Variants in ERBB4 observed in about 807,000 individuals in gnomAD.
ERBB4 encodes the protein erb-b2 receptor tyrosine kinase 4.
Under a neutral mutation model 158.0 loss-of-function variants are expected in ERBB4, and 42 were observed. The ratio of observed to expected loss-of-function variants is 0.27; its 90% confidence interval spans 0.21 to 0.34. The LOEUF is 0.34. Ranked by LOEUF, ERBB4 falls within the 10% of genes least tolerant of loss-of-function variation. ERBB4 has a pLI of 1.00. For synonymous variants in ERBB4, 583 were observed against 558.7 expected, an observed-to-expected ratio of 1.04 and a Z score of -0.61; for missense variants, 1,333 against 1,624.1, an observed-to-expected ratio of 0.82 and a Z score of 3.08.
chr2:212,302,566 A>G (rs1239665706), intron 1 of ERBB4, among the ~76,000 whole-genome samples: 1 of 151,462 alleles, frequency 6.6e-6, no homozygotes, highest in Admixed American at 6.6e-5. Flanking sequence ...CATTGGCAAA[A>G]TATGAGTTTC....
intron 1 of ERBB4, among the ~76,000 whole-genome samples, chr2:212,149,459 T>A (rs557401022): frequency 2.8e-4 from 43 of 152,314 alleles, no homozygotes; most frequent in African/African-American, 9.6e-4. Context: ...AAACAACTTA[T>A]GAAATCGGAT....
intron 22 of ERBB4, among the ~76,000 whole-genome samples, chr2:211,428,047 G>T (rs1197459873): frequency 6.6e-6 from 1 of 151,712 alleles, no homozygotes; most frequent in African/African-American, 2.4e-5. Flanking sequence ...ACACATCGGG[G>T]CCTGTCGGTG....
At chr2:212,468,551 TC>T (rs1688958729) in intron 1 of ERBB4, among the ~76,000 whole-genome samples, 1 of 152,154 alleles carries the variant, frequency 6.6e-6, no homozygotes, top group African/African-American at 2.4e-5. Context: ...TTGTGAGGCC[TC>T]CCCAGCCATG....
chr2:211,721,095 G>A (rs1266299395), intron 7 of ERBB4, among the ~76,000 whole-genome samples: 1 of 152,168 alleles, frequency 6.6e-6, no homozygotes, highest in Admixed American at 6.5e-5. Flanking sequence ...GAAAGGGGCT[G>A]AGAGTGTGTG....
intron 3 of ERBB4, among the ~76,000 whole-genome samples, chr2:211,889,065 C>T (rs939557076): frequency 7.1e-6 from 1 of 141,438 alleles, no homozygotes; most frequent in African/African-American, 2.9e-5. Context: ...AGAAGGCCTG[C>T]CTGCCTCTGT....
chr2:211,696,911 C>T lies in ERBB4; in HGVS notation c.1489+5056G>A, dbSNP rs201394989. The stretch of plus-strand genomic sequence containing the variant: ...TCTCAAACTCCTGACCTCAGGTGAT[C>T]TGCCCACCTCTGCCTCCCAAAGTGC... On this transcript the variant is annotated intron_variant, in intron 12 of 27. Transcript: ENST00000342788. 4.2e-4 allele frequency among the ~76,000 whole-genome samples: 64 copies of T among 152,284 alleles called. No homozygotes were observed. The East Asian group carries it at 0.012, about 29-fold the overall frequency.
chr2:212,211,408 T>C (rs1189254157), intron 1 of ERBB4, among the ~76,000 whole-genome samples: 1 of 152,130 alleles, frequency 6.6e-6, no homozygotes, highest in Non-Finnish European at 1.5e-5. Flanking sequence ...AGGTTGCAAT[T>C]AATATCAGCC....
At chr2:212,494,285 C>T (rs1402103358) in intron 1 of ERBB4, among the ~76,000 whole-genome samples, 2 of 151,804 alleles carry the variant, frequency 1.3e-5, no homozygotes, top group East Asian at 1.9e-4. Context: ...TTCTAAGTAT[C>T]GTAGGTATGT....
chr2:212,404,660 T>C (rs1447502799), intron 1 of ERBB4, among the ~76,000 whole-genome samples: 1 of 152,004 alleles, frequency 6.6e-6, no homozygotes, highest in Non-Finnish European at 1.5e-5. Flanking sequence ...TTTTAACTTT[T>C]ATTTTAGGTT....
intron 19 of ERBB4, among the ~76,000 whole-genome samples, chr2:211,608,665 G>T (rs2069077287): frequency 6.6e-6 from 1 of 152,090 alleles, no homozygotes; most frequent in Non-Finnish European, 1.5e-5. Flanking sequence ...ATTCATGGTG[G>T]ATAATGGAAC....
At chr2:211,417,577 A>T (rs2063421583) in intron 25 of ERBB4, among the ~76,000 whole-genome samples, 1 of 152,246 alleles carries the variant, frequency 6.6e-6, no homozygotes, top group African/African-American at 2.4e-5. Context: ...ATTTGTATTC[A>T]TCAACTTTCT....
At chr2:212,038,716 T>C (rs2077071723) in intron 2 of ERBB4, among the ~76,000 whole-genome samples, 1 of 152,094 alleles carries the variant, frequency 6.6e-6, no homozygotes, top group South Asian at 2.1e-4. Context: ...AGAAGGTCAG[T>C]TTTGTTGTAT....
chr2:212,350,846 C>T (rs985846311), intron 1 of ERBB4, among the ~76,000 whole-genome samples: 20 of 151,996 alleles, frequency 1.3e-4, no homozygotes, highest in Non-Finnish European at 2.5e-4. Context: ...TGCAATAAGG[C>T]TGACTTTAGA....
At chr2:211,409,383 G>A (rs558452279) in intron 25 of ERBB4, among the ~76,000 whole-genome samples, 1 of 152,132 alleles carries the variant, frequency 6.6e-6, no homozygotes, top group Non-Finnish European at 1.5e-5. Flanking sequence ...CCTAATACAT[G>A]AATATGTGAT....
chr2:212,532,625 T>C (rs1325449376), intron 1 of ERBB4, among the ~76,000 whole-genome samples: 3 of 152,250 alleles, frequency 2.0e-5, no homozygotes, highest in African/African-American at 7.2e-5. Context: ...CAGAAGCAAG[T>C]AGTCTAATCC....
At chr2:211,844,105 C>A (rs976890073) in intron 3 of ERBB4, among the ~76,000 whole-genome samples, 1 of 149,944 alleles carries the variant, frequency 6.7e-6, no homozygotes, top group Admixed American at 6.8e-5. Context: ...CTGGCTATTT[C>A]AAGTTCTATG....
chr2:212,109,377 A>G (rs918236120), intron 2 of ERBB4, among the ~76,000 whole-genome samples: 4 of 152,144 alleles, frequency 2.6e-5, no homozygotes, highest in African/African-American at 9.7e-5. Flanking sequence ...GGAACAACTC[A>G]AAACTAGGCC....
chr2:211,899,863 C>G (rs753130095), intron 3 of ERBB4, among the ~76,000 whole-genome samples: 3 of 152,076 alleles, frequency 2.0e-5, no homozygotes, highest in African/African-American at 7.2e-5. Flanking sequence ...TTTGTCTTGA[C>G]TGGCAGCTAA....
intron 2 of ERBB4, among the ~76,000 whole-genome samples, chr2:212,077,320 C>A (rs2125458389): frequency 6.6e-6 from 1 of 151,810 alleles, no homozygotes; most frequent in Non-Finnish European, 1.5e-5. Flanking sequence ...AAGATATATA[C>A]AAAAATAATT....
Sources: allele counts gnomAD v4.1 joint callset (sites outside exome capture counted in the v4.1 genomes callset), GRCh38; gene constraint gnomAD v4.1.1; transcripts MANE v1.5; gene names NCBI Gene and HGNC (gene_info 2026-07-23, HGNC 2026-07-21).